Variants in ANXA8 observed in about 807,000 individuals in gnomAD.
ANXA8 encodes the protein VAC-beta.
In ANXA8, 9 loss-of-function variants were observed where a neutral mutation model predicts 26.8. The ratio of observed to expected loss-of-function variants is 0.34; its 90% CI spans 0.20 to 0.59. ANXA8 has a LOEUF of 0.59. Among genes scored for constraint, ANXA8 ranks in the 20% least tolerant of loss-of-function variants. ANXA8 has a pLI of 0.84. For synonymous variants in ANXA8, 39 were observed against 94.8 expected (o/e 0.41, Z 3.42); for missense variants, 83 against 238.5 (o/e 0.35, Z 4.29).
the ANXA8 span, among the ~76,000 whole-genome samples, chr10:47,643,528 A>AAATC: frequency 0.012 from 1,778 of 144,772 alleles, 8 homozygotes; most frequent in Middle Eastern, 0.038. Context: ...GACTCCATAA[A>AAATC]AATCAATCAA....
chr10:47,767,640 C>A, the ANXA8 span, among the ~76,000 whole-genome samples: 1 of 151,304 alleles, frequency 6.6e-6, no homozygotes, highest in African/African-American at 2.4e-5. Flanking sequence ...ATGACCCAGG[C>A]CTGGCTGCTC....
chr10:47,670,106 C>T, the ANXA8 span, among the ~76,000 whole-genome samples: 1,189 of 151,770 alleles, frequency 7.8e-3, 12 homozygotes, highest in Non-Finnish European at 0.012. Flanking sequence ...TAAATGAAGT[C>T]ATTCAGTATG....
the ANXA8 span, among the ~76,000 whole-genome samples, chr10:47,661,007 A>G: frequency 6.6e-6 from 1 of 150,858 alleles, no homozygotes; most frequent in Non-Finnish European, 1.5e-5. Context: ...ATTTAATCAA[A>G]TATTCTGCCC....
At chr10:47,743,355 C>CATTTATATATAT in the ANXA8 span, among the ~76,000 whole-genome samples, 1 of 45,170 alleles carries the variant, frequency 2.2e-5, no homozygotes, top group Non-Finnish European at 4.7e-5. Flanking sequence ...TATATATATA[C>CATTTATATATAT]ACATATATAT....
chr10:47,622,685 A>C, the ANXA8 span, among the ~76,000 whole-genome samples: 6 of 92,592 alleles, frequency 6.5e-5, 2 homozygotes, highest in African/African-American at 9.5e-5. Context: ...TTATTTTCCT[A>C]AACTGTGGCA....
chr10:47,735,076 G>A, the ANXA8 span, among the ~76,000 whole-genome samples: 9 of 149,984 alleles, frequency 6.0e-5, no homozygotes, highest in South Asian at 8.4e-4. Flanking sequence ...AAACAAAAAC[G>A]CATGTTCCTT....
the ANXA8 span, among the ~76,000 whole-genome samples, chr10:47,522,553 C>T: frequency 6.8e-6 from 1 of 147,568 alleles, no homozygotes; most frequent in Non-Finnish European, 1.5e-5. Context: ...ATCAAGGTGA[C>T]TTAAAGCAGC....
At chr10:47,656,225 T>C in the ANXA8 span, among the ~76,000 whole-genome samples, 2 of 151,576 alleles carry the variant, frequency 1.3e-5, no homozygotes, top group African/African-American at 2.4e-5. Flanking sequence ...GGCAAAACCT[T>C]GTTTCTACAA....
the ANXA8 span, chr10:47,510,052 T>C: frequency 2.3e-5 from 34 of 1,498,148 alleles, 2 homozygotes; most frequent in Non-Finnish European, 2.8e-5. Flanking sequence ...ATTCAGAATC[T>C]GAATATCAAT....
the ANXA8 span, among the ~76,000 whole-genome samples, chr10:47,948,772 A>G: frequency 6.6e-6 from 1 of 151,212 alleles, no homozygotes; most frequent in Non-Finnish European, 1.5e-5. Flanking sequence ...TCAATAGATC[A>G]AAAGCAAGAT....
the ANXA8 span, among the ~76,000 whole-genome samples, chr10:47,572,948 C>G: frequency 6.6e-6 from 1 of 150,512 alleles, no homozygotes; most frequent in Admixed American, 6.6e-5. Flanking sequence ...AAACTGTGTG[C>G]TTCAGACTTG....
chr10:47,570,946 C>T, the ANXA8 span, among the ~76,000 whole-genome samples: 2 of 150,390 alleles, frequency 1.3e-5, no homozygotes, highest in African/African-American at 2.5e-5. Flanking sequence ...TTTGACGTGC[C>T]GCATACCCAG....
chr10:47,743,357 C>CACACAT, the ANXA8 span, among the ~76,000 whole-genome samples: 1 of 41,702 alleles, frequency 2.4e-5, no homozygotes, highest in African/African-American at 6.8e-5. Context: ...TATATATACA[C>CACACAT]ATATATATAT....
At chr10:47,683,430 C>G in the ANXA8 span, among the ~76,000 whole-genome samples, 5 of 150,780 alleles carry the variant, frequency 3.3e-5, no homozygotes, top group Admixed American at 1.3e-4. Context: ...GGGTTTCACC[C>G]TTTTAGCCAG....
chr10:47,682,469 C>CTTTCTTTTTTT, the ANXA8 span, among the ~76,000 whole-genome samples: 15 of 121,596 alleles, frequency 1.2e-4, no homozygotes, highest in African/African-American at 4.4e-4. Flanking sequence ...CTTTCTTTTT[C>CTTTCTTTTTTT]TTTTTTTTTT....
chr10:47,586,665 A>T, the ANXA8 span, among the ~76,000 whole-genome samples: 1 of 145,770 alleles, frequency 6.9e-6, no homozygotes, highest in Non-Finnish European at 1.5e-5. Flanking sequence ...CACACAAGTG[A>T]TGGAGGTTGG....
chr10:47,652,267 T>C, the ANXA8 span, among the ~76,000 whole-genome samples: 1 of 151,606 alleles, frequency 6.6e-6, no homozygotes, highest in African/African-American at 2.4e-5. Context: ...TACTTTGAAA[T>C]GGTAAATTGT....
chr10:47,954,490 C>T, the ANXA8 span, among the ~76,000 whole-genome samples: 2 of 150,964 alleles, frequency 1.3e-5, no homozygotes, highest in Admixed American at 6.6e-5. Flanking sequence ...TTTGATAGCA[C>T]AACAGGTTGG....
chr10:47,913,933 CTTTTTTTTT>C, the ANXA8 span, among the ~76,000 whole-genome samples: 20 of 32,566 alleles, frequency 6.1e-4, no homozygotes, highest in South Asian at 1.9e-3. Flanking sequence ...TTAGAATCTT[CTTTTTTTTT>C]TTTTTTTTTT....
Sources: gnomAD v4.1 joint callset for allele counts (sites outside exome capture counted in the v4.1 genomes callset) on GRCh38, gnomAD v4.1.1 for gene constraint, MANE v1.5 for transcripts, NCBI Gene and HGNC (gene_info 2026-07-23, HGNC 2026-07-21) for gene names.